Variants in LRRIQ3 observed in about 807,000 individuals in gnomAD.
LRRIQ3 encodes leucine-rich repeat and IQ domain-containing protein 3.
In LRRIQ3, 75 loss-of-function variants were observed where a neutral mutation model predicts 59.3. The ratio of observed to expected loss-of-function variants is 1.26; its 90% confidence interval spans 1.05 to 1.53. The LOEUF (loss-of-function observed/expected upper bound fraction) is 1.53, where lower values mean the gene tolerates loss of function less well. Among genes scored for constraint, LRRIQ3 ranks in the 40% most tolerant of loss-of-function variants. LRRIQ3 has a pLI of 0.00. For missense variants in LRRIQ3, 831 were observed against 710.0 expected, an observed-to-expected ratio of 1.17 and a Z score of -1.94; for synonymous variants, 250 against 231.3, an observed-to-expected ratio of 1.08 and a Z score of -0.73.
At chr1:74,060,913 T>A (rs1235228016) in intron 6 of LRRIQ3, among the ~76,000 whole-genome samples, 1 of 152,060 alleles carries the variant, frequency 6.6e-6, no homozygotes, top group Non-Finnish European at 1.5e-5. Context: ...CCCCAGTGAC[T>A]TCTGGGGAAG....
chr1:74,155,179 C>A (rs1356119152), intron 4 of LRRIQ3, among the ~76,000 whole-genome samples: 1 of 152,150 alleles, frequency 6.6e-6, no homozygotes, highest in Non-Finnish European at 1.5e-5. Flanking sequence ...TGAATATTTT[C>A]ATTTAGTTTT....
chr1:74,096,540 T>C (rs1200012945), intron 5 of LRRIQ3, among the ~76,000 whole-genome samples: 1 of 152,124 alleles, frequency 6.6e-6, no homozygotes, highest in Non-Finnish European at 1.5e-5. Context: ...TGAAGCCTTC[T>C]CGCAACTCGT....
intron 5 of LRRIQ3, among the ~76,000 whole-genome samples, chr1:74,077,811 A>T (rs1172981539): frequency 6.6e-6 from 1 of 151,996 alleles, no homozygotes; most frequent in Non-Finnish European, 1.5e-5. Flanking sequence ...CTTTTCTGTT[A>T]TATGTAATGC....
chr1:74,127,218 T>C (rs781033153), intron 4 of LRRIQ3, among the ~76,000 whole-genome samples: 14 of 151,966 alleles, frequency 9.2e-5, no homozygotes, highest in Admixed American at 2.0e-4. Context: ...CATTCCTTAT[T>C]TTCAGTCCAT....
chr1:74,054,561 C>T (rs1006714517), intron 6 of LRRIQ3, among the ~76,000 whole-genome samples: 4 of 151,806 alleles, frequency 2.6e-5, no homozygotes, highest in African/African-American at 9.7e-5. Flanking sequence ...AGTTTAAGTT[C>T]ATCTATTGTA....
chr1:74,051,012 A>G (rs1309844188), intron 6 of LRRIQ3, among the ~76,000 whole-genome samples: 1 of 152,202 alleles, frequency 6.6e-6, no homozygotes, highest in African/African-American at 2.4e-5. Flanking sequence ...TACATCTCAC[A>G]TGTAATAAAG....
chr1:74,065,041 G>T (rs1207864245), intron 6 of LRRIQ3, among the ~76,000 whole-genome samples: 1 of 151,768 alleles, frequency 6.6e-6, no homozygotes, highest in Non-Finnish European at 1.5e-5. Flanking sequence ...TCTTCACCTA[G>T]TTCTCCCATT....
intron 1 of LRRIQ3, among the ~76,000 whole-genome samples, chr1:74,192,291 A>G (rs1222546427): frequency 1.3e-5 from 2 of 152,098 alleles, no homozygotes; most frequent in Non-Finnish European, 2.9e-5. Flanking sequence ...TTTGTTACAA[A>G]AGTATATTGC....
rs539925162 is a variant in LRRIQ3, at chr1:74,109,666, AT to A, written c.708-114del. ...AAAACATAGTGTTAAATTGAATGTAATAATATATTTATTTTCATAGTAGTGT... is the reference window on the plus strand; with the variant it reads ...AAAACATAGTGTTAAATTGAATGTAAAATATATTTATTTTCATAGTAGTGT... On this transcript the variant is annotated intron_variant, in intron 4 of 7. Transcript: ENST00000354431. 1.5e-4 allele frequency: 123 copies of A among 809,730 alleles called. No individual in the cohort carries two copies. The African/African-American group carries it at 2.0e-3, about 13-fold the overall frequency. 50.2% of individuals were successfully genotyped at this position (809,730 alleles called of 1,614,324 possible).
intron 3 of LRRIQ3, among the ~76,000 whole-genome samples, chr1:74,174,875 A>G (rs1313338925): frequency 2.0e-5 from 3 of 152,104 alleles, no homozygotes; most frequent in African/African-American, 4.8e-5. Context: ...CAGTTAGCAG[A>G]TTTCCATTTC....
intron 5 of LRRIQ3, among the ~76,000 whole-genome samples, chr1:74,090,086 A>G (rs1490239667): frequency 2.0e-5 from 3 of 152,192 alleles, no homozygotes; most frequent in East Asian, 1.9e-4. Flanking sequence ...GAATTTTACT[A>G]TGTTTTTACT....
chr1:74,179,535 C>A (rs984581477), intron 3 of LRRIQ3, among the ~76,000 whole-genome samples: 1 of 151,938 alleles, frequency 6.6e-6, no homozygotes, highest in Non-Finnish European at 1.5e-5. Context: ...TTCTTATACT[C>A]ATTAATAAGT....
At chr1:74,104,832 G>T (rs1245694781) in intron 5 of LRRIQ3, among the ~76,000 whole-genome samples, 3 of 152,018 alleles carry the variant, frequency 2.0e-5, no homozygotes, top group Non-Finnish European at 2.9e-5. Context: ...AGGTGATAAT[G>T]ATGTGTCAGT....
At chr1:74,194,297 G>A (rs1053437452) in intron 1 of LRRIQ3, among the ~76,000 whole-genome samples, 5 of 152,132 alleles carry the variant, frequency 3.3e-5, no homozygotes, top group Non-Finnish European at 5.9e-5. Context: ...TTAAGAAGGG[G>A]AGAGTCTAGT....
chr1:74,068,198 A>T (rs553216706), intron 6 of LRRIQ3, among the ~76,000 whole-genome samples: 1 of 152,204 alleles, frequency 6.6e-6, no homozygotes, highest in Non-Finnish European at 1.5e-5. Flanking sequence ...TTATGATACT[A>T]ATTTCTGTAT....
intron 6 of LRRIQ3, among the ~76,000 whole-genome samples, chr1:74,064,577 A>G (rs78263934): frequency 0.034 from 5,111 of 152,060 alleles, 309 homozygotes; most frequent in African/African-American, 0.12. Context: ...TCTTTCATAC[A>G]CCTTCTAAGG....
At chr1:74,167,505 C>T (rs1269844006) in intron 3 of LRRIQ3, among the ~76,000 whole-genome samples, 3 of 151,126 alleles carry the variant, frequency 2.0e-5, no homozygotes, top group South Asian at 4.2e-4. Flanking sequence ...TGCACATGTA[C>T]CCCAGAACTT....
intron 4 of LRRIQ3, among the ~76,000 whole-genome samples, chr1:74,145,659 GAA>G (rs1477511027): frequency 1.3e-5 from 2 of 151,964 alleles, no homozygotes; most frequent in African/African-American, 2.4e-5. Context: ...ATCCAAATTT[GAA>G]AAGAATTTTG....
chr1:74,172,863 T>A (rs965620764), intron 3 of LRRIQ3, among the ~76,000 whole-genome samples: 3 of 152,196 alleles, frequency 2.0e-5, no homozygotes, highest in African/African-American at 2.4e-5. Flanking sequence ...CCTACTTTTT[T>A]AATAAATGTA....
Sources: allele counts gnomAD v4.1 joint callset (sites outside exome capture counted in the v4.1 genomes callset), GRCh38; gene constraint gnomAD v4.1.1; transcripts MANE v1.5; gene names NCBI Gene and HGNC (gene_info 2026-07-23, HGNC 2026-07-21).